The following PHACTR2 variants were observed in gnomAD, a reference collection of about 807,000 sequenced individuals.
The protein encoded by PHACTR2 is phosphatase and actin regulator 2, also known as chromosome 6 open reading frame 56.
A neutral mutation model predicts 76.0 loss-of-function variants in PHACTR2; 30 were observed. The ratio of observed to expected loss-of-function variants is 0.39; its 90% CI spans 0.30 to 0.54. The LOEUF is 0.54. PHACTR2 is among the 20% of genes least tolerant of loss of function. The probability of loss-of-function intolerance (pLI) is 0.61; values close to 1 mark genes in which losing one functional copy is unlikely to be tolerated. For missense variants in PHACTR2, 696 were observed against 781.1 expected (o/e 0.89, Z 1.30); for synonymous variants, 292 against 292.5 (o/e 1.00, Z 0.02).
chr6:143,590,182 C>A (rs186972387), intron 1 of PHACTR2, among the ~76,000 whole-genome samples: 1 of 152,230 alleles, frequency 6.6e-6, no homozygotes, highest in East Asian at 1.9e-4. Context: ...TCATTAAAAT[C>A]TGTCTTTTTA....
intron 1 of PHACTR2, among the ~76,000 whole-genome samples, chr6:143,645,279 CTG>C (rs1162893088): frequency 6.9e-6 from 1 of 144,988 alleles, no homozygotes; most frequent in Non-Finnish European, 1.6e-5. Flanking sequence ...GGAAAAGAAA[CTG>C]TAATATATAT....
chr6:143,634,760 T>C (rs1776421958), intron 1 of PHACTR2, among the ~76,000 whole-genome samples: 1 of 144,376 alleles, frequency 6.9e-6, no homozygotes, highest in African/African-American at 2.5e-5. Context: ...TTGGGTAATT[T>C]GCATACCACA....
rs1454555516 is a variant in PHACTR2 at position 143,583,136 on chromosome 6, CCATTCT to C, written c.217+45930_217+45935del. On this transcript the variant is annotated intron_variant, in intron 1 of 11. Transcript: ENST00000367584. The surrounding 1 kb of genome is among the most constrained non-coding windows in gnomAD (Gnocchi z 4.0). ...GTCTTTGAATATAATGATGGGGCGA[CCATTCT>C]TGCCATAATAGCCAGGATTTGGTAT... 1.3e-5 allele frequency among the ~76,000 whole-genome samples: 2 copies of C among 152,184 alleles called. No homozygotes were observed. Among genetic ancestry groups the C allele is most frequent in the African/African-American group, 4.8e-5 (2 of 41,446 alleles).
chr6:143,742,952 A>G lies in PHACTR2; in HGVS notation c.215-6033A>G, dbSNP rs1261747903. Among the ~76,000 whole-genome samples the G allele has an allele frequency of 1.3e-5, 2 of 152,246 alleles. No individual in the cohort carries two copies. The highest frequency in any genetic ancestry group is 6.5e-5 in the Admixed American group (1 of 15,284). ...ATGTATTGAATGCTTTCTAGATCCT[A>G]GGTACTGGTCTCAGTATTTTACTTG... On this transcript the variant is annotated intron_variant, in intron 2 of 12. Coordinates refer to ENST00000440869, the MANE Select transcript of PHACTR2 (RefSeq NM_001100164.2). The surrounding 1 kb of genome is among the most constrained non-coding windows in gnomAD (Gnocchi z 4.5).
chr6:143,796,379 T>TTTTCTTTCTTTCTTTCTTTCTTTCTTTC (rs147314577), intron 11 of PHACTR2, among the ~76,000 whole-genome samples: 3 of 148,832 alleles, frequency 2.0e-5, no homozygotes, highest in African/African-American at 7.4e-5. Context: ...TTTCTTTTTC[T>TTTTCTTTCTTTCTTTCTTTCTTTCTTTC]TTTCTTTCTT....
chr6:143,667,866 C>T (rs1777069139), intron 1 of PHACTR2, among the ~76,000 whole-genome samples: 1 of 152,152 alleles, frequency 6.6e-6, no homozygotes, highest in Admixed American at 6.5e-5. Context: ...TTTGAATACG[C>T]TTTATTTCTT....
At chr6:143,567,452 G>A (rs1775379285) in intron 1 of PHACTR2, among the ~76,000 whole-genome samples, 1 of 152,128 alleles carries the variant, frequency 6.6e-6, no homozygotes, top group Non-Finnish European at 1.5e-5. Context: ...AGGCTGGAGT[G>A]CAGTGGCATG....
chr6:143,743,534 C>T lies in PHACTR2; in HGVS notation c.215-5451C>T, dbSNP rs1778991320. 2.6e-5 allele frequency among the ~76,000 whole-genome samples: 4 copies of T among 152,156 alleles called. No homozygotes were observed. Among genetic ancestry groups the T allele is most frequent in the Admixed American group, 2.0e-4 (3 of 15,282 alleles). On this transcript the variant is annotated intron_variant, in intron 2 of 12. Transcript: ENST00000440869. This position sits in a 1 kb window ranked among gnomAD's most constrained non-coding sequence, Gnocchi z 5.0. ...TGTTTTGGAAGGTTTTTGCAAATGT[C>T]CTGTTGGGTGGCATTGAAGCGGTTG...
Position 143,556,745 on chromosome 6 carries a change from C to T in PHACTR2, c.217+19538C>T, listed in dbSNP as rs1775179840. Among the ~76,000 whole-genome samples the T allele has an allele frequency of 6.6e-6, 1 of 152,154 alleles. No individual in the cohort carries two copies. The highest frequency in any genetic ancestry group is 2.1e-4 in the South Asian group (1 of 4,824). On this transcript the variant is annotated intron_variant, in intron 1 of 11. Coordinates refer to the PHACTR2 transcript ENST00000367584. The surrounding 1 kb of genome is among the most constrained non-coding windows in gnomAD (Gnocchi z 4.3). ...GACGTACATCACCACAGGACCACAGCGACGCATCACCATGGAATTTTCAGA... is the reference window on the plus strand; with the variant it reads ...GACGTACATCACCACAGGACCACAGTGACGCATCACCATGGAATTTTCAGA...
chr6:143,688,250 CA>C lies in PHACTR2; in HGVS notation c.46+10042del, dbSNP rs1273432757. On this transcript the variant is annotated intron_variant, in intron 1 of 12. Coordinates refer to ENST00000440869, the MANE Select transcript of PHACTR2 (RefSeq NM_001100164.2). The surrounding 1 kb of genome is among the most constrained non-coding windows in gnomAD (Gnocchi z 5.2). The stretch of plus-strand genomic sequence containing the variant: ...CGGAGATGAGTTGGCCTGCCGCATG[CA>C]GTATAGATTTCATGGGGAGAGACTG... Among the ~76,000 whole-genome samples, 2 of 151,168 alleles carry C rather than the reference CA, an allele frequency of 1.3e-5. No individual in the cohort carries two copies. The highest frequency in any genetic ancestry group is 4.9e-5 in the African/African-American group (2 of 41,036).
chr6:143,711,517 G>A (rs796075695), intron 1 of PHACTR2, among the ~76,000 whole-genome samples: 1 of 152,158 alleles, frequency 6.6e-6, no homozygotes, highest in African/African-American at 2.4e-5. Context: ...TGTAATAGAA[G>A]CAAAAGATAG....
chr6:143,827,183 T>A lies in PHACTR2; in HGVS notation c.*3494T>A, dbSNP rs887471404. 37 of 131,132 alleles carry A rather than the reference T, an allele frequency of 2.8e-4. No individual in the cohort carries two copies. The South Asian group carries it at 7.0e-3, about 25-fold the overall frequency. The allele number at this position is 131,132 out of a possible 1,614,324, so 8.1% of individuals were successfully genotyped here. A position where few individuals can be genotyped will look rare whatever the true frequency, so the allele number is the denominator to read the frequency against. ...ATATATATATATATATATATATATA[T>A]ATATATATATATATATGTATATTAT... is the stretch of plus-strand genomic sequence containing the variant. On this transcript the variant is annotated 3_prime_UTR_variant, in exon 13 of 13. Transcript: ENST00000440869.
intron 1 of PHACTR2, among the ~76,000 whole-genome samples, chr6:143,600,802 T>C (rs1223997064): frequency 6.6e-6 from 1 of 152,240 alleles, no homozygotes; most frequent in Non-Finnish European, 1.5e-5. Flanking sequence ...ATTAGTCAAA[T>C]TGAGACAGAA....
At chr6:143,606,757 CA>C (rs1455556244), upstream of PHACTR2, among the ~76,000 whole-genome samples, 1 of 152,108 alleles carries the variant, frequency 6.6e-6, no homozygotes. Flanking sequence ...CCAGTGATTT[CA>C]GTCTTACGGG....
rs966262641 is a variant in PHACTR2 at position 143,561,221 on chromosome 6, C to T, written c.217+24014C>T. 3.3e-5 allele frequency: 5 copies of T among 152,254 alleles called. No homozygotes were observed. The highest frequency in any genetic ancestry group is 7.2e-5 in the African/African-American group (3 of 41,438). 9.4% of individuals were successfully genotyped at this position (152,254 alleles called of 1,614,324 possible). On this transcript the variant is annotated intron_variant, in intron 1 of 11. Transcript: ENST00000367584. The surrounding 1 kb of genome is among the most constrained non-coding windows in gnomAD (Gnocchi z 4.1). The stretch of plus-strand genomic sequence containing the variant: ...TTCTGCCCTTTCAGAAGGTTCTGCC[C>T]CTCTGAGCTCATTTCCCCTCCTCAC...
rs1335527245 is a variant in PHACTR2, at chr6:143,539,230, T to C, written c.217+2023T>C. On this transcript the variant is annotated intron_variant, in intron 1 of 11. Coordinates refer to the PHACTR2 transcript ENST00000367584. The surrounding 1 kb of genome is among the most constrained non-coding windows in gnomAD (Gnocchi z 4.3). The stretch of plus-strand genomic sequence containing the variant: ...AGGACTCTTTGTCTTTTCTGTGTCC[T>C]CTTAACGGATGCTAGGAAGTGAAAC... Among the ~76,000 whole-genome samples, 3 of 152,376 alleles carry C rather than the reference T, an allele frequency of 2.0e-5. No individual in the cohort carries two copies. Among genetic ancestry groups the C allele is most frequent in the Non-Finnish European group, 4.4e-5 (3 of 68,040 alleles).
intron 11 of PHACTR2, among the ~76,000 whole-genome samples, chr6:143,798,782 G>C (rs1422978826): frequency 6.6e-6 from 1 of 152,172 alleles, no homozygotes; most frequent in African/African-American, 2.4e-5. Context: ...GCTGGATTGG[G>C]TTTGCCAGTA....
At chr6:143,586,134 T>C (rs114068589) in intron 1 of PHACTR2, among the ~76,000 whole-genome samples, 251 of 152,342 alleles carry the variant, frequency 1.6e-3, no homozygotes, top group African/African-American at 5.8e-3. Context: ...CAGACGATCA[T>C]CTATTTGCCA....
At position 143,590,583 on chromosome 6, in the gene PHACTR2, G is replaced by A. The variant is rs114641760; in HGVS notation, c.217+53376G>A. Reference sequence around the variant, plus strand: ...ATTAGGCATTTGCAATCACAAGTGGGTGCTATTGAAAAAGAGAAAGGAAGA... The same window carrying A: ...ATTAGGCATTTGCAATCACAAGTGGATGCTATTGAAAAAGAGAAAGGAAGA... On this transcript the variant is annotated intron_variant, in intron 1 of 11. Transcript: ENST00000367584. Among the ~76,000 whole-genome samples, 315 of 151,244 alleles carry A rather than the reference G, an allele frequency of 2.1e-3. 1 individual carries two copies. Among genetic ancestry groups the A allele is most frequent in the African/African-American group, 7.1e-3 (293 of 41,158 alleles).
Sources: gnomAD v4.1 joint callset for allele counts (sites outside exome capture counted in the v4.1 genomes callset) on GRCh38, gnomAD v4.1.1 for gene constraint, Gnocchi (gnomAD v3.1) non-coding constraint, MANE v1.5 for transcripts, NCBI Gene and HGNC (gene_info 2026-07-23, HGNC 2026-07-21) for gene names.